Variants in GPHN observed in about 807,000 individuals in gnomAD.
GPHN encodes the protein gephyrin.
GPHN carries 17 observed loss-of-function variants against 95.5 expected under a neutral mutation model. The ratio of observed to expected loss-of-function variants is 0.18; its 90% CI spans 0.12 to 0.27. The LOEUF (loss-of-function observed/expected upper bound fraction) is 0.27. Among genes scored for constraint, GPHN ranks in the 10% least tolerant of loss-of-function variants. The probability of loss-of-function intolerance (pLI) is 1.00; values close to 1 mark genes in which losing one functional copy is unlikely to be tolerated. For missense variants in GPHN, 660 were observed against 978.1 expected (o/e 0.67, Z 4.34); for synonymous variants, 320 against 322.5 (o/e 0.99, Z 0.08).
At chr14:66,719,280 T>A (rs1041202224) in intron 2 of GPHN, among the ~76,000 whole-genome samples, 4 of 152,210 alleles carry the variant, frequency 2.6e-5, no homozygotes, top group African/African-American at 9.6e-5. Flanking sequence ...AATGGCTTGC[T>A]TGTGGACCCA....
chr14:66,595,523 G>A (rs1025546404), intron 1 of GPHN, among the ~76,000 whole-genome samples: 1 of 152,172 alleles, frequency 6.6e-6, no homozygotes, highest in Admixed American at 6.5e-5. Flanking sequence ...GAGTGGTGAG[G>A]GGTGTGTGAG....
the GPHN span, chr14:67,686,285 C>A: frequency 4.6e-5 from 7 of 152,216 alleles, no homozygotes; most frequent in African/African-American, 1.4e-4. Context: ...ATAATACTTA[C>A]AACCTCACAG....
intron 2 of GPHN, among the ~76,000 whole-genome samples, chr14:66,700,500 T>C (rs1433219454): frequency 6.6e-6 from 1 of 152,212 alleles, no homozygotes; most frequent in Non-Finnish European, 1.5e-5. Context: ...ATTTGTATTT[T>C]TTTACTTAGT....
the GPHN span, among the ~76,000 whole-genome samples, chr14:67,250,470 G>A: frequency 1.3e-5 from 2 of 152,168 alleles, no homozygotes; most frequent in African/African-American, 4.8e-5. Context: ...ATTGAAAACT[G>A]TATAAACTCC....
the GPHN span, chr14:67,648,066 T>C: frequency 9.9e-6 from 16 of 1,612,856 alleles, no homozygotes; most frequent in African/African-American, 1.2e-4. Flanking sequence ...ACCAATCCAT[T>C]TGAGTTTTGA....
the GPHN span, among the ~76,000 whole-genome samples, chr14:67,446,917 TCTCTATGGCTG>T: frequency 6.6e-6 from 1 of 151,998 alleles, no homozygotes; most frequent in Non-Finnish European, 1.5e-5. Flanking sequence ...GTTTGTAGGC[TCTCTATGGCTG>T]CTTTTACGCT....
the GPHN span, among the ~76,000 whole-genome samples, chr14:67,688,650 C>A: frequency 6.7e-6 from 1 of 149,198 alleles, no homozygotes; most frequent in Admixed American, 6.7e-5. Flanking sequence ...TTTGCCCAGG[C>A]TGATCTTGAA....
chr14:67,125,876 G>T (rs2079281873), intron 17 of GPHN, among the ~76,000 whole-genome samples: 1 of 151,856 alleles, frequency 6.6e-6, no homozygotes, highest in Non-Finnish European at 1.5e-5. Flanking sequence ...AAAGGTTTGA[G>T]TCTGGTTTTT....
At chr14:66,965,889 T>A (rs946285195) in intron 9 of GPHN, among the ~76,000 whole-genome samples, 15 of 151,990 alleles carry the variant, frequency 9.9e-5, no homozygotes, top group Non-Finnish European at 1.9e-4. Flanking sequence ...TCTTTTTTTT[T>A]ATAATCTGTC....
chr14:67,387,813 ATTGT>A, the GPHN span, among the ~76,000 whole-genome samples: 1 of 152,358 alleles, frequency 6.6e-6, no homozygotes, highest in Middle Eastern at 3.4e-3. Context: ...TTGATCTCAA[ATTGT>A]TTAACTTATT....
At chr14:67,289,790 T>TG in the GPHN span, among the ~76,000 whole-genome samples, 1 of 116,528 alleles carries the variant, frequency 8.6e-6, no homozygotes, top group Non-Finnish European at 1.6e-5. Flanking sequence ...TTTTTTTTTT[T>TG]GAGACGGAGT....
At chr14:67,724,131 G>A in the GPHN span, among the ~76,000 whole-genome samples, 8 of 152,214 alleles carry the variant, frequency 5.3e-5, no homozygotes, top group Non-Finnish European at 1.2e-4. Context: ...GGTTAGAGGG[G>A]AAAGCTTTCC....
At chr14:66,876,488 A>G (rs918110120) in intron 4 of GPHN, among the ~76,000 whole-genome samples, 2 of 152,106 alleles carry the variant, frequency 1.3e-5, no homozygotes, top group Admixed American at 1.3e-4. Flanking sequence ...TTAACAAAAG[A>G]GATAGAACAC....
chr14:66,890,820 G>C (rs1445518273), intron 5 of GPHN, among the ~76,000 whole-genome samples: 3 of 151,676 alleles, frequency 2.0e-5, no homozygotes, highest in African/African-American at 7.3e-5. Context: ...AAACCCATGT[G>C]ATCATTTGAT....
At chr14:67,115,734 CA>C (rs35393713) in intron 16 of GPHN, among the ~76,000 whole-genome samples, 8,452 of 123,692 alleles carry the variant, frequency 0.068, 222 homozygotes, top group Middle Eastern at 0.097. Context: ...GACTCCATCT[CA>C]AAAAAAAAAA....
intron 9 of GPHN, among the ~76,000 whole-genome samples, chr14:66,975,599 G>T (rs1282287272): frequency 2.0e-5 from 3 of 152,076 alleles, no homozygotes; most frequent in Non-Finnish European, 4.4e-5. Flanking sequence ...CTTTATGAGG[G>T]CTGGGCACAG....
intron 1 of GPHN, among the ~76,000 whole-genome samples, chr14:66,567,578 A>G (rs1207434432): frequency 1.3e-5 from 2 of 152,334 alleles, no homozygotes; most frequent in East Asian, 3.9e-4. Flanking sequence ...TCTTATGGCC[A>G]GTAATGCAAC....
the GPHN span, among the ~76,000 whole-genome samples, chr14:67,252,432 G>A: frequency 6.6e-6 from 1 of 152,172 alleles, no homozygotes; most frequent in Non-Finnish European, 1.5e-5. Flanking sequence ...TGGTATTACA[G>A]GAGTGAGCCA....
intron 16 of GPHN, among the ~76,000 whole-genome samples, chr14:67,114,411 C>G (rs2153687648): frequency 6.6e-6 from 1 of 152,234 alleles, no homozygotes; most frequent in Middle Eastern, 3.4e-3. Context: ...CACTCATGGA[C>G]CAGGCATGGT....
Sources: gnomAD v4.1 joint callset for allele counts (sites outside exome capture counted in the v4.1 genomes callset) on GRCh38, gnomAD v4.1.1 for gene constraint, MANE v1.5 for transcripts, NCBI Gene and HGNC (gene_info 2026-07-23, HGNC 2026-07-21) for gene names.